The following MAEL variants were observed in gnomAD, a reference collection of about 807,000 sequenced individuals.
MAEL encodes protein maelstrom homolog.
MAEL carries 46 observed loss-of-function variants against 62.0 expected under a neutral mutation model. The observed-to-expected ratio is 0.74, with a 90% CI of 0.59 to 0.95. MAEL has a LOEUF of 0.95. Among genes scored for constraint, MAEL ranks in the 40% least tolerant of loss-of-function variants. The pLI is 0.00. For synonymous variants in MAEL, 172 were observed against 175.5 expected (o/e 0.98, Z 0.16); for missense variants, 497 against 526.8 (o/e 0.94, Z 0.55).
At chr1:166,980,509 A>C (rs1186111984) in intron 1 of MAEL, among the ~76,000 whole-genome samples, 3 of 152,168 alleles carry the variant, frequency 2.0e-5, no homozygotes, top group Non-Finnish European at 4.4e-5. Context: ...CTTCAGCCAG[A>C]TACAAAGCCC....
At chr1:166,991,145 G>C (rs1571242821) in intron 2 of MAEL, among the ~76,000 whole-genome samples, 1 of 152,176 alleles carries the variant, frequency 6.6e-6, no homozygotes, top group African/African-American at 2.4e-5. Context: ...TGGGCAAAAT[G>C]GCTTTCAGTA....
intron 8 of MAEL, among the ~76,000 whole-genome samples, chr1:167,013,906 CT>C (rs1292056882): frequency 6.6e-6 from 1 of 152,136 alleles, no homozygotes; most frequent in Non-Finnish European, 1.5e-5. Context: ...GAACAGTTTA[CT>C]TTTTTTCATG....
At chr1:167,006,156 T>C (rs1161994239) in intron 8 of MAEL, 1 of 152,114 alleles carries the variant, frequency 6.6e-6, no homozygotes, top group East Asian at 1.9e-4. Context: ...AAATCAGGAA[T>C]GTTGAATATA....
intron 8 of MAEL, 75 bp from the exon 9 acceptor site, chr1:167,016,147 A>T (rs761676485): frequency 2.1e-5 from 26 of 1,256,134 alleles, no homozygotes; most frequent in Non-Finnish European, 3.0e-5. Context: ...AAGATTTCAG[A>T]TAGAAATCTG....
chr1:167,017,809 T>C lies in MAEL; in HGVS notation c.909-18T>C. 1 of 1,587,750 alleles carries C rather than the reference T, an allele frequency of 6.3e-7. No homozygotes were observed. ...ATTAAATTAGATTCTGATAGTGAGA[T>C]TTTTATTTCTTTTAAAGGTACTGCA... is the stretch of plus-strand genomic sequence containing the variant. On this transcript the variant is annotated intron_variant, in intron 9 of 11. Transcript: ENST00000367872.
Position 166,991,271 on chromosome 1 carries a change from CCTTGGTAAT to C in MAEL, c.226-104_226-96del. On this transcript the variant is annotated intron_variant, in intron 2 of 11. Coordinates refer to ENST00000367872, the MANE Select transcript of MAEL (RefSeq NM_032858.3). ...TATATTTATTCACTGGATTCATTGACCTTGGTAATCTATAGGCTGTTTTGCAGTTATTTA... is the reference window on the plus strand; with the variant it reads ...TATATTTATTCACTGGATTCATTGACCTATAGGCTGTTTTGCAGTTATTTA... 4.3e-6 allele frequency: 3 copies of C among 697,294 alleles called. No homozygotes were observed. The South Asian group carries it at 5.0e-5, about 12-fold the overall frequency. The allele number at this position is 697,294 out of a possible 1,614,324, so 43.2% of individuals were successfully genotyped here.
intron 8 of MAEL, among the ~76,000 whole-genome samples, chr1:167,014,590 A>C (rs148850498): frequency 6.6e-6 from 1 of 152,334 alleles, no homozygotes; most frequent in East Asian, 1.9e-4. Flanking sequence ...AAGTGTTGTT[A>C]GGGTTTAAAA....
chr1:166,993,585 A>G (rs777958406), intron 4 of MAEL, among the ~76,000 whole-genome samples: 5 of 152,208 alleles, frequency 3.3e-5, no homozygotes, highest in Non-Finnish European at 7.3e-5. Context: ...TCCTACTCAC[A>G]CTTGTGAGTG....
At chr1:167,002,815 GCA>G (rs1664733946) in intron 5 of MAEL, among the ~76,000 whole-genome samples, 1 of 152,096 alleles carries the variant, frequency 6.6e-6, no homozygotes, top group Non-Finnish European at 1.5e-5. Context: ...AAGTAATATT[GCA>G]ATAAAATATT....
In MAEL at chr1:166,981,493, A is replaced by AGAGG. The variant is rs143108408; in HGVS notation, c.-121+5840_-121+5843dup. On this transcript the variant is annotated intron_variant, in intron 1 of 12. Transcript: ENST00000622874. ...ATTTGAGTTGTCTCCATGTGTGTAGAGAGGGAGGGAGGGAGGCAAATATGT... is the reference window on the plus strand; with the variant it reads ...ATTTGAGTTGTCTCCATGTGTGTAGAGAGGGAGGGAGGGAGGGAGGCAAATATGT... Among the ~76,000 whole-genome samples the AGAGG allele has an allele frequency of 7.7e-3, 1,177 of 152,180 alleles. 22 individuals are homozygous for AGAGG. Among genetic ancestry groups the AGAGG allele is most frequent in the African/African-American group, 0.027 (1,134 of 41,490 alleles).
chr1:167,017,719 TTA>T, intron 9 of MAEL, 106 bp from the exon 10 acceptor site: 1 of 1,029,120 alleles, frequency 9.7e-7, no homozygotes. Context: ...TTTTCCCAGT[TTA>T]TAACAGTACC....
chr1:167,000,981 CA>C (rs1301824589), intron 5 of MAEL, among the ~76,000 whole-genome samples: 1 of 152,102 alleles, frequency 6.6e-6, no homozygotes, highest in Non-Finnish European at 1.5e-5. Context: ...TTTGCAATTG[CA>C]AAAATGTGGA....
At chr1:166,987,422 G>A (rs1308120491), upstream of MAEL, among the ~76,000 whole-genome samples, 2 of 152,184 alleles carry the variant, frequency 1.3e-5, no homozygotes, top group African/African-American at 4.8e-5. Context: ...CAGTTCACCT[G>A]TTGATGAACA....
At chr1:166,975,747 C>A (rs1321562153) in intron 1 of MAEL, 1 of 151,980 alleles carries the variant, frequency 6.6e-6, no homozygotes, top group Non-Finnish European at 1.5e-5. Context: ...GGAGGCCGCC[C>A]CGCGGGCCGC....
chr1:167,001,223 C>T (rs960053383), intron 5 of MAEL, among the ~76,000 whole-genome samples: 1 of 152,026 alleles, frequency 6.6e-6, no homozygotes, highest in Non-Finnish European at 1.5e-5. Context: ...GATGCAAAGG[C>T]ATAAGAATGA....
At position 166,992,783 on chromosome 1, in the gene MAEL, T is replaced by C. The variant is rs775159318; in HGVS notation, c.423T>C (p.Cys141=). The part of the protein sequence containing the change: ...EQRFLPCEIG[C]VKYSLQEGIM... ...GCTTCCTCCCTTGTGAAATTGGCTG[T>C]GTTAAGTATTCTCTCCAAGAAGGTA... The change falls in exon 4 of 12, where the codon TGT becomes TGC. Residue 141 remains cysteine (C), a synonymous_variant. Coordinates refer to ENST00000367872, the MANE Select transcript of MAEL (RefSeq NM_032858.3). 1.9e-6 allele frequency: 3 copies of C among 1,611,624 alleles called. No individual in the cohort carries two copies. The East Asian group carries it at 6.7e-5, about 36-fold the overall frequency.
chr1:166,998,767 A>G (rs1159785618), intron 5 of MAEL, among the ~76,000 whole-genome samples: 1 of 152,154 alleles, frequency 6.6e-6, no homozygotes, highest in African/African-American at 2.4e-5. Context: ...GGTTTCTGGC[A>G]GCCCTGCATT....
upstream of MAEL, among the ~76,000 whole-genome samples, chr1:166,987,838 T>A (rs1571237942): frequency 2.0e-5 from 3 of 152,322 alleles, no homozygotes; most frequent in African/African-American, 7.2e-5. Context: ...TGTCAAGGAA[T>A]AGATAATTCC....
intron 9 of MAEL, among the ~76,000 whole-genome samples, 199 bp downstream of exon 9, chr1:167,016,483 A>C (rs1275165951): frequency 6.6e-6 from 1 of 152,150 alleles, no homozygotes; most frequent in African/African-American, 2.4e-5. Flanking sequence ...AAGACAGGCA[A>C]TAATAAATGC....
Sources: allele counts gnomAD v4.1 joint callset (sites outside exome capture counted in the v4.1 genomes callset), GRCh38; gene constraint gnomAD v4.1.1; transcripts MANE v1.5; gene names NCBI Gene and HGNC (gene_info 2026-07-23, HGNC 2026-07-21).